ASIC2: variants seen among roughly 807,000 people sequenced by gnomAD.
ASIC2 encodes acid sensing ion channel subunit 2.
A neutral mutation model predicts 57.3 loss-of-function variants in ASIC2; 25 were observed. The ratio of observed to expected loss-of-function variants is 0.44; its 90% CI spans 0.32 to 0.61. ASIC2 has a LOEUF of 0.61. ASIC2 is among the 20% of genes least tolerant of loss of function. ASIC2 has a pLI of 0.06. For synonymous variants in ASIC2, 319 were observed against 307.5 expected, an observed-to-expected ratio of 1.04 and a Z score of -0.39; for missense variants, 641 against 738.1, an observed-to-expected ratio of 0.87 and a Z score of 1.52.
chr17:33,254,634 T>A (rs1908995753), intron 1 of ASIC2, among the ~76,000 whole-genome samples: 1 of 152,126 alleles, frequency 6.6e-6, no homozygotes, highest in Non-Finnish European at 1.5e-5. Context: ...AGGTATCACC[T>A]CCTTCATGAA....
chr17:33,728,803 C>A (rs1050619933), intron 1 of ASIC2, among the ~76,000 whole-genome samples: 3 of 152,098 alleles, frequency 2.0e-5, no homozygotes, highest in Non-Finnish European at 4.4e-5. Context: ...GCCGGGCCAA[C>A]CAGAGCTGCA....
chr17:33,610,070 A>T (rs938732429), intron 1 of ASIC2, among the ~76,000 whole-genome samples: 7 of 151,860 alleles, frequency 4.6e-5, no homozygotes, highest in African/African-American at 1.7e-4. Flanking sequence ...ACACACACAC[A>T]CACACACACA....
chr17:33,348,943 A>G (rs1908056887), intron 1 of ASIC2, among the ~76,000 whole-genome samples: 1 of 152,184 alleles, frequency 6.6e-6, no homozygotes, highest in African/African-American at 2.4e-5. Context: ...GGTGCTTCCC[A>G]GTCTCCAACA....
intron 1 of ASIC2, among the ~76,000 whole-genome samples, chr17:33,650,315 A>G (rs1906878740): frequency 6.6e-6 from 1 of 152,196 alleles, no homozygotes; most frequent in Non-Finnish European, 1.5e-5. Context: ...TGAATAAAAT[A>G]AAAAAGAGTG....
At chr17:33,040,945 A>G (rs1318435078) in intron 3 of ASIC2, among the ~76,000 whole-genome samples, 3 of 152,188 alleles carry the variant, frequency 2.0e-5, no homozygotes, top group Non-Finnish European at 4.4e-5. Flanking sequence ...ACCTAATCAT[A>G]TAAAGACTTC....
intron 1 of ASIC2, among the ~76,000 whole-genome samples, chr17:33,670,452 G>A: frequency 6.6e-6 from 1 of 152,194 alleles, no homozygotes; most frequent in African/African-American, 2.4e-5. Context: ...AGTGAGAATT[G>A]CAAGCAACTA....
intron 1 of ASIC2, among the ~76,000 whole-genome samples, chr17:33,526,924 C>G (rs1914901901): frequency 6.6e-6 from 1 of 152,212 alleles, no homozygotes; most frequent in African/African-American, 2.4e-5. Flanking sequence ...GCAGATTCCT[C>G]ATGCTGGGCC....
chr17:33,698,548 T>A (rs1298295813), intron 1 of ASIC2, among the ~76,000 whole-genome samples: 2 of 152,180 alleles, frequency 1.3e-5, no homozygotes, highest in Non-Finnish European at 2.9e-5. Context: ...ATTAGAAAGC[T>A]ATCAGTAAAA....
chr17:33,362,820 G>A (rs890907060), intron 1 of ASIC2, among the ~76,000 whole-genome samples: 1 of 152,228 alleles, frequency 6.6e-6, no homozygotes. Context: ...CATTGTTTGA[G>A]CATCTACTGA....
Position 33,867,727 on chromosome 17 carries a change from C to T in ASIC2, c.555+288251G>A, listed in dbSNP as rs568365546. On this transcript the variant is annotated intron_variant, in intron 1 of 9. Coordinates refer to the ASIC2 transcript ENST00000359872. ...ACGAAGAGGCCTGGTTTCAGCTGCTCTGGCAACTGCTTGAGGGCTTCTGCT... is the reference window on the plus strand; with the variant it reads ...ACGAAGAGGCCTGGTTTCAGCTGCTTTGGCAACTGCTTGAGGGCTTCTGCT... Among the ~76,000 whole-genome samples, 31 of 152,324 alleles carry T rather than the reference C, an allele frequency of 2.0e-4. 1 individual carries two copies. The highest frequency in any genetic ancestry group is 7.2e-4 in the African/African-American group (30 of 41,586).
At chr17:33,240,167 C>T (rs1908449368) in intron 1 of ASIC2, among the ~76,000 whole-genome samples, 1 of 152,158 alleles carries the variant, frequency 6.6e-6, no homozygotes. Flanking sequence ...CTGGTCCCAT[C>T]CCTGCCCTGA....
At position 33,955,469 on chromosome 17, in the gene ASIC2, T is replaced by C. The variant is rs187741906; in HGVS notation, c.555+200509A>G. 9 of 152,356 alleles carry C rather than the reference T, an allele frequency of 5.9e-5. No individual in the cohort carries two copies. The East Asian group carries it at 1.7e-3, about 29-fold the overall frequency. 9.4% of individuals were successfully genotyped at this position (152,356 alleles called of 1,614,324 possible). ...TGCTTCCTGGTGGCTTCCTGCCTGC[T>C]TCTGTTCCTGGAAGCTTCACCCCAG... On this transcript the variant is annotated intron_variant, in intron 1 of 9. Coordinates refer to the ASIC2 transcript ENST00000359872.
chr17:33,936,199 C>T (rs925080585), intron 1 of ASIC2: 1 of 152,168 alleles, frequency 6.6e-6, no homozygotes, highest in Non-Finnish European at 1.5e-5. Flanking sequence ...CCCCAGGGAT[C>T]AGTGAAAGAG....
intron 1 of ASIC2, among the ~76,000 whole-genome samples, chr17:33,612,730 G>A (rs1266945818): frequency 6.6e-6 from 1 of 152,228 alleles, no homozygotes; most frequent in Non-Finnish European, 1.5e-5. Flanking sequence ...CAAGAGGGAA[G>A]ACTAATTGCT....
chr17:33,881,893 T>C (rs914172719), intron 1 of ASIC2, among the ~76,000 whole-genome samples: 1 of 152,178 alleles, frequency 6.6e-6, no homozygotes. Context: ...CACAGCAAGG[T>C]ACTGGTACCA....
At chr17:33,848,123 GC>G (rs1473708974) in intron 1 of ASIC2, among the ~76,000 whole-genome samples, 1 of 152,142 alleles carries the variant, frequency 6.6e-6, no homozygotes, top group Non-Finnish European at 1.5e-5. Context: ...TACACGCTCT[GC>G]CTTTCCAAGT....
chr17:34,122,645 T>A (rs1027449704), intron 1 of ASIC2, among the ~76,000 whole-genome samples: 7 of 152,196 alleles, frequency 4.6e-5, no homozygotes, highest in African/African-American at 1.7e-4. Context: ...GAGCAGAGCA[T>A]AAAACCATAG....
intron 1 of ASIC2, among the ~76,000 whole-genome samples, chr17:33,934,548 G>A (rs1156560658): frequency 3.3e-5 from 5 of 152,156 alleles, no homozygotes; most frequent in Admixed American, 1.3e-4. Flanking sequence ...GGCACAGGCC[G>A]TGGGCACCGA....
At chr17:33,061,739 AC>A (rs2092021622) in intron 3 of ASIC2, among the ~76,000 whole-genome samples, 1 of 152,190 alleles carries the variant, frequency 6.6e-6, no homozygotes, top group Non-Finnish European at 1.5e-5. Flanking sequence ...AAGGAATGGT[AC>A]CAGCTCCTCC....
Sources: allele counts gnomAD v4.1 joint callset (sites outside exome capture counted in the v4.1 genomes callset), GRCh38; gene constraint gnomAD v4.1.1; transcripts MANE v1.5; gene names NCBI Gene and HGNC (gene_info 2026-07-23, HGNC 2026-07-21).